The following COL4A3 variants were observed in gnomAD, a reference collection of about 807,000 sequenced individuals.
The protein encoded by COL4A3 is collagen type IV alpha 3 chain.
COL4A3 carries 135 observed loss-of-function variants against 217.4 expected under a neutral mutation model. The observed-to-expected ratio is 0.62, with a 90% CI of 0.54 to 0.72. COL4A3 has a LOEUF of 0.72. COL4A3 is among the 30% of genes least tolerant of loss of function. The pLI is 0.00. For missense variants in COL4A3, 1,868 were observed against 2,119.9 expected (o/e 0.88, Z 2.33); for synonymous variants, 690 against 736.3 (o/e 0.94, Z 1.02).
Position 227,269,861 on chromosome 2 carries a change from T to G in COL4A3, c.1505-49T>G. The G allele has an allele frequency of 6.7e-7, 1 of 1,486,824 alleles. No homozygotes were observed. The highest frequency in any genetic ancestry group is 1.1e-5 in the South Asian group (1 of 88,132). The allele number at this position is 1,486,824 out of a possible 1,614,324, so 92.1% of individuals were successfully genotyped here. On this transcript the variant is annotated intron_variant, in intron 23 of 51. Transcript: ENST00000396578. The stretch of plus-strand genomic sequence containing the variant: ...CATACATTGTATTACCCTGTCTACT[T>G]AGAGTTGGCGTTCAATGAGGAGTTA...
rs1434545921 is a variant in COL4A3, at chr2:227,253,458, C to T, written c.688-103C>T. On this transcript the variant is annotated intron_variant, in intron 12 of 51. Coordinates refer to ENST00000396578, the MANE Select transcript of COL4A3 (RefSeq NM_000091.5). This position sits in a 1 kb window ranked among gnomAD's most constrained non-coding sequence, Gnocchi z 4.4. ...ATGGGCCTTCATTTGTTCTATCTTC[C>T]CGTATAAGCACTAAAGGGGAAAAGT... 2.8e-6 allele frequency: 4 copies of T among 1,405,470 alleles called. No individual in the cohort carries two copies. The highest frequency in any genetic ancestry group is 2.8e-5 in the African/African-American group (2 of 70,666). The allele number at this position is 1,405,470 out of a possible 1,614,324, so 87.1% of individuals were successfully genotyped here. A position where few individuals can be genotyped will look rare whatever the true frequency, so the allele number is the denominator to read the frequency against.
intron 1 of COL4A3, among the ~76,000 whole-genome samples, chr2:227,227,118 G>A (rs2068138260): frequency 1.3e-5 from 2 of 152,146 alleles, no homozygotes. Flanking sequence ...ACAGGCAGAG[G>A]GCTGGATTTG....
chr2:227,216,032 T>A (rs1445045985), intron 1 of COL4A3, among the ~76,000 whole-genome samples: 2 of 152,088 alleles, frequency 1.3e-5, no homozygotes, highest in East Asian at 3.9e-4. Flanking sequence ...GTAGTCAAAT[T>A]CATAGAGACA....
chr2:227,308,138 C>T (rs1420058953), intron 48 of COL4A3, among the ~76,000 whole-genome samples: 1 of 152,188 alleles, frequency 6.6e-6, no homozygotes, highest in East Asian at 1.9e-4. Flanking sequence ...CTAGCTCCTC[C>T]CATTCAGTGC....
In COL4A3 at chr2:227,298,804, G is replaced by A. The variant is rs1247495101; in HGVS notation, c.3874G>A (p.Gly1292Ser). 1 of 1,613,708 alleles carries A rather than the reference G, an allele frequency of 6.2e-7. No homozygotes were observed. The highest frequency in any genetic ancestry group is 8.5e-7 in the Non-Finnish European group (1 of 1,179,912). ...AACTGCAGGAGACATGGGACCACCA[G>A]GTCGTCTGGTGAGTATGGATAATTA... Reference protein sequence around the residue: ...PGTAGDMGPPGRLGAPGTPGL... With the variant: ...PGTAGDMGPPSRLGAPGTPGL... The change falls in exon 43 of 52, where the codon GGT (glycine) becomes AGT (serine). Residue 1292 changes from glycine to serine, a missense_variant. Physicochemically the swap from Gly to Ser is moderately conservative, Grantham distance 56 (BLOSUM62 0). This residue lies in a region of COL4A3 where 1,503 missense variants were observed against 1,786.1 expected (regional missense o/e 0.84). Coordinates refer to ENST00000396578, the MANE Select transcript of COL4A3 (RefSeq NM_000091.5).
In COL4A3 at chr2:227,284,195, T is replaced by C. The variant is rs1318344474; in HGVS notation, c.2747-16T>C. The C allele has an allele frequency of 5.0e-6, 8 of 1,613,936 alleles. No homozygotes were observed. The East Asian group carries it at 1.8e-4, about 36-fold the overall frequency. The stretch of plus-strand genomic sequence containing the variant: ...TGAAGAATTAAGGACCTGATGTTGT[T>C]ACTCCTGTCTGTTAGGGAGCCCTGG... On this transcript the variant is annotated splice_polypyrimidine_tract_variant and intron_variant, in intron 33 of 51. Transcript: ENST00000396578.
chr2:227,224,192 G>A (rs116655484), intron 1 of COL4A3, among the ~76,000 whole-genome samples: 2,989 of 152,262 alleles, frequency 0.02, 60 homozygotes, highest in South Asian at 0.043. Context: ...ACTTTAAGGC[G>A]TTTTACGATC....
chr2:227,226,364 C>A (rs1003417274), intron 1 of COL4A3, among the ~76,000 whole-genome samples: 1 of 151,946 alleles, frequency 6.6e-6, no homozygotes, highest in Non-Finnish European at 1.5e-5. Context: ...TGGGGGTAGG[C>A]GGACAGAAAG....
At chr2:227,213,719 T>G (rs1205324214) in intron 1 of COL4A3, among the ~76,000 whole-genome samples, 2 of 151,930 alleles carry the variant, frequency 1.3e-5, no homozygotes, top group Admixed American at 1.3e-4. Flanking sequence ...CTGGTCAACA[T>G]GGTGAAACCC....
intron 1 of COL4A3, among the ~76,000 whole-genome samples, chr2:227,176,470 T>C (rs927693958): frequency 3.9e-5 from 6 of 152,212 alleles, no homozygotes; most frequent in African/African-American, 1.4e-4. Flanking sequence ...TTCAGAGCCA[T>C]TTGAAACACA....
chr2:227,240,040 G>T, intron 2 of COL4A3, 103 bp from the exon 3 acceptor site: 1 of 1,038,350 alleles, frequency 9.6e-7, no homozygotes, highest in Non-Finnish European at 1.5e-6. Context: ...CATGCAAAGA[G>T]TCACCATGAA....
chr2:227,245,072 C>A, intron 5 of COL4A3, 77 bp downstream of exon 5: 2 of 1,353,050 alleles, frequency 1.5e-6, no homozygotes, highest in Non-Finnish European at 2.1e-6. Flanking sequence ...AACAGTCGTG[C>A]AAGAAAATGT....
At chr2:227,262,306 AC>A (rs1229527709) in intron 20 of COL4A3, among the ~76,000 whole-genome samples, 1 of 152,184 alleles carries the variant, frequency 6.6e-6, no homozygotes, top group Non-Finnish European at 1.5e-5. Context: ...AGTAAAAAAA[AC>A]AAAACAAACA....
chr2:227,256,590 G>C (rs1200247001), intron 17 of COL4A3, 194 bp downstream of exon 17: 2 of 751,496 alleles, frequency 2.7e-6, no homozygotes, highest in African/African-American at 3.4e-5. Flanking sequence ...TTGAGGAAAA[G>C]GTATTAAACT....
intron 1 of COL4A3, among the ~76,000 whole-genome samples, chr2:227,212,531 C>T (rs2067367108): frequency 6.6e-6 from 1 of 152,204 alleles, no homozygotes; most frequent in African/African-American, 2.4e-5. Flanking sequence ...CCCCAGGAAT[C>T]TGTAGTGCCA....
In COL4A3 at chr2:227,233,504, A is replaced by C. The variant is rs578171118; in HGVS notation, c.88-4464A>C. On this transcript the variant is annotated intron_variant, in intron 1 of 51. Coordinates refer to ENST00000396578, the MANE Select transcript of COL4A3 (RefSeq NM_000091.5). ...AACATCTATATATTTGAAGTTAACT[A>C]GTGTTCATGTTTCTGTTTGTTTGTT... Among the ~76,000 whole-genome samples the C allele has an allele frequency of 4.6e-5, 7 of 152,348 alleles. No individual in the cohort carries two copies. In the East Asian group the frequency reaches 1.3e-3, roughly 29 times the overall value.
chr2:227,276,324 G>A lies in COL4A3; in HGVS notation c.1928-61G>A, dbSNP rs530758615. ...TAAACCCTTTATAATCGTATTTTCC[G>A]CTATCGTCTAAGACAAGCTTCAATA... On this transcript the variant is annotated intron_variant, in intron 26 of 51. Coordinates refer to ENST00000396578, the MANE Select transcript of COL4A3 (RefSeq NM_000091.5). 4.7e-5 allele frequency: 56 copies of A among 1,203,556 alleles called. No individual in the cohort carries two copies. The East Asian group carries it at 7.0e-4, about 15-fold the overall frequency. The allele number at this position is 1,203,556 out of a possible 1,614,324, so 74.6% of individuals were successfully genotyped here.
At chr2:227,204,181 A>G (rs533483159) in intron 1 of COL4A3, among the ~76,000 whole-genome samples, 1 of 152,320 alleles carries the variant, frequency 6.6e-6, no homozygotes, top group Admixed American at 6.5e-5. Flanking sequence ...TGACTTTAAG[A>G]AAATTACCTA....
chr2:227,263,897 C>G lies in COL4A3; in HGVS notation c.1268C>G (p.Ala423Gly), dbSNP rs1385457679. Residue 423 changes from alanine (A) to glycine (G), a missense_variant, in exon 21 of 52, where the codon GCT (alanine) becomes GGT (glycine). By Grantham distance (60) the Ala-to-Gly change is moderately conservative. Coordinates refer to ENST00000396578, the MANE Select transcript of COL4A3 (RefSeq NM_000091.5). ...AMGTPGSPGC[A>G]GSPGLPGSPG... ...GGGACTCCTGGGTCCCCAGGTTGTG[C>G]TGGTTCACCAGGTCTTCCAGGATCA... 4 of 1,614,202 alleles carry G rather than the reference C, an allele frequency of 2.5e-6. No homozygotes were observed. The East Asian group carries it at 8.9e-5, about 36-fold the overall frequency.
Sources: allele counts gnomAD v4.1 joint callset (sites outside exome capture counted in the v4.1 genomes callset), GRCh38; gene constraint gnomAD v4.1.1; regional missense constraint gnomAD v4.1.1; non-coding constraint Gnocchi (gnomAD v3.1); transcripts MANE v1.5; gene names NCBI Gene and HGNC (gene_info 2026-07-23, HGNC 2026-07-21).